The following ADGRD1 variants were observed in gnomAD, a reference collection of about 807,000 sequenced individuals.
ADGRD1 encodes the protein adhesion G protein-coupled receptor D1.
Under a neutral mutation model 113.4 loss-of-function variants are expected in ADGRD1, and 77 were observed. The observed-to-expected ratio is 0.68, with a 90% CI of 0.57 to 0.82. ADGRD1 has a LOEUF of 0.82. Ranked by LOEUF, ADGRD1 falls within the 40% of genes least tolerant of loss-of-function variation. The probability of loss-of-function intolerance (pLI) is 0.00; values close to 1 mark genes in which losing one functional copy is unlikely to be tolerated. For missense variants in ADGRD1, 1,036 were observed against 1,139.1 expected, an observed-to-expected ratio of 0.91 and a Z score of 1.30; for synonymous variants, 474 against 475.0, an observed-to-expected ratio of 1.00 and a Z score of 0.03.
rs773490802 is a variant in ADGRD1 at position 130,972,901 on chromosome 12, A to ACAGTGATG, written c.310+1322_310+1329dup. ...ACAGATAATGAACCCAAGAAAGGAGACAGTGATGGGACCAGCGGGAAATCA... is the reference window on the plus strand; with the variant it reads ...ACAGATAATGAACCCAAGAAAGGAGACAGTGATGCAGTGATGGGACCAGCGGGAAATCA... On this transcript the variant is annotated intron_variant, in intron 4 of 24. Coordinates refer to ENST00000261654, the MANE Select transcript of ADGRD1 (RefSeq NM_198827.5). Among the ~76,000 whole-genome samples, 21 of 152,200 alleles carry ACAGTGATG rather than the reference A, an allele frequency of 1.4e-4. No homozygotes were observed. The South Asian group carries it at 4.4e-3, about 32-fold the overall frequency.
At chr12:130,972,136 G>A (rs910621353) in intron 4 of ADGRD1, among the ~76,000 whole-genome samples, 11 of 152,316 alleles carry the variant, frequency 7.2e-5, no homozygotes, top group African/African-American at 1.9e-4. Flanking sequence ...ACTGGCAATC[G>A]ACTTGCTTTC....
At chr12:131,008,283 G>A (rs565556030) in intron 12 of ADGRD1, among the ~76,000 whole-genome samples, 9 of 152,358 alleles carry the variant, frequency 5.9e-5, no homozygotes, top group African/African-American at 1.4e-4. Flanking sequence ...TGCAGCTGCC[G>A]TGCGGGCAGC....
intron 8 of ADGRD1, among the ~76,000 whole-genome samples, chr12:130,996,820 G>A (rs1875481717): frequency 8.5e-6 from 1 of 117,176 alleles, no homozygotes. Flanking sequence ...CGGGGCGGCT[G>A]GCCGGGCGGG....
At chr12:131,055,014 T>A (rs2137059910) in intron 13 of ADGRD1, among the ~76,000 whole-genome samples, 1 of 152,380 alleles carries the variant, frequency 6.6e-6, no homozygotes, top group East Asian at 1.9e-4. Context: ...TGTTACTTTA[T>A]GTTTCTATCC....
At chr12:131,023,760 G>T (rs1158719611) in intron 13 of ADGRD1, 2 of 152,186 alleles carry the variant, frequency 1.3e-5, no homozygotes, top group Non-Finnish European at 2.9e-5. Flanking sequence ...TGCAGCAAAT[G>T]ACCCTGTGAA....
chr12:131,132,539 C>T (rs988042380), intron 21 of ADGRD1, among the ~76,000 whole-genome samples: 1 of 152,168 alleles, frequency 6.6e-6, no homozygotes, highest in African/African-American at 2.4e-5. Flanking sequence ...CCGGGCCCAG[C>T]TCGCCTTCGC....
At chr12:131,001,533 G>A (rs1876389067) in intron 9 of ADGRD1, among the ~76,000 whole-genome samples, 1 of 152,146 alleles carries the variant, frequency 6.6e-6, no homozygotes, top group Non-Finnish European at 1.5e-5. Flanking sequence ...ATGATACTAA[G>A]TATTCACCTG....
chr12:131,072,586 C>T (rs533540370), intron 13 of ADGRD1, among the ~76,000 whole-genome samples: 14 of 152,292 alleles, frequency 9.2e-5, no homozygotes, highest in Non-Finnish European at 1.3e-4. Context: ...AAAATAAGGA[C>T]GTGCACATGT....
chr12:131,129,070 G>T (rs1226280215), intron 20 of ADGRD1, among the ~76,000 whole-genome samples: 1 of 128,908 alleles, frequency 7.8e-6, no homozygotes, highest in African/African-American at 3.0e-5. Flanking sequence ...CTGCTGTCTG[G>T]GTGTGAGTGA....
chr12:131,068,983 A>G (rs2137123247), intron 13 of ADGRD1, among the ~76,000 whole-genome samples: 1 of 152,314 alleles, frequency 6.6e-6, no homozygotes, highest in South Asian at 2.1e-4. Context: ...CAGCAGCTAT[A>G]TGGATTTTCT....
intron 13 of ADGRD1, among the ~76,000 whole-genome samples, chr12:131,031,593 G>C (rs116722821): frequency 0.016 from 2,394 of 152,196 alleles, 64 homozygotes; most frequent in African/African-American, 0.055. Context: ...TTCAGGCCTG[G>C]TCTTAAACCA....
chr12:130,964,108 G>A (rs1033023429), intron 2 of ADGRD1, among the ~76,000 whole-genome samples: 6 of 151,610 alleles, frequency 4.0e-5, no homozygotes, highest in Non-Finnish European at 8.8e-5. Context: ...CTCAATATTC[G>A]GTTGGTTCTT....
rs964308186 is a variant in ADGRD1, at chr12:131,118,386, T to C, written c.2043T>C (p.Gly681=). The change falls in exon 19 of 25, where the codon GGT becomes GGC. Residue 681 remains glycine (G), a splice_region_variant and synonymous_variant. Coordinates refer to ENST00000261654, the MANE Select transcript of ADGRD1 (RefSeq NM_198827.5). ...KHRYYYGMGW[G]FPLLICIISL... ...ATGATATTCTCCAATCTTCTGCAGG[T>C]TTTCCTCTTCTGATCTGCATCATTT... 2.5e-6 allele frequency: 4 copies of C among 1,605,946 alleles called. No individual in the cohort carries two copies. The Admixed American group carries it at 5.2e-5, about 21-fold the overall frequency.
intron 15 of ADGRD1, among the ~76,000 whole-genome samples, chr12:131,091,599 G>A (rs570762894): frequency 6.6e-6 from 1 of 152,312 alleles, no homozygotes; most frequent in South Asian, 2.1e-4. Context: ...AATCCCCTAT[G>A]CGTGGGTGTG....
At chr12:131,137,986 C>A in intron 23 of ADGRD1, 151 bp from the exon 24 acceptor site, 1 of 661,636 alleles carries the variant, frequency 1.5e-6, no homozygotes, top group South Asian at 1.7e-5. Flanking sequence ...CGATGCACAG[C>A]TCAGCTGTGG....
intron 15 of ADGRD1, among the ~76,000 whole-genome samples, chr12:131,101,238 G>T (rs1316913695): frequency 6.6e-6 from 1 of 152,020 alleles, no homozygotes; most frequent in Non-Finnish European, 1.5e-5. Flanking sequence ...GACCTGTGTG[G>T]GGTGCATCTC....
At chr12:131,103,755 G>A (rs1593220473) in intron 15 of ADGRD1, among the ~76,000 whole-genome samples, 1 of 152,254 alleles carries the variant, frequency 6.6e-6, no homozygotes, top group Non-Finnish European at 1.5e-5. Context: ...GCGTCTCGGA[G>A]GACGGGGGGA....
In ADGRD1 at chr12:131,060,251, T is replaced by C. The variant is rs1884205014; in HGVS notation, c.1474-16550T>C. ...ATGCTCGGGGCATCCGCCACAGCCC[T>C]GATACCCACTCAGCCTTTGCTCATA... On this transcript the variant is annotated intron_variant, in intron 13 of 24. Transcript: ENST00000261654. This position sits in a 1 kb window ranked among gnomAD's most constrained non-coding sequence, Gnocchi z 4.4. Among the ~76,000 whole-genome samples the C allele has an allele frequency of 6.6e-6, 1 of 152,242 alleles. No homozygotes were observed. The highest frequency in any genetic ancestry group is 1.5e-5 in the Non-Finnish European group (1 of 68,030).
At chr12:131,116,691 G>A (rs775807518) in intron 18 of ADGRD1, among the ~76,000 whole-genome samples, 4 of 152,204 alleles carry the variant, frequency 2.6e-5, no homozygotes, top group African/African-American at 7.2e-5. Flanking sequence ...CCAGGGATCC[G>A]AGATGTGCCA....
Sources: allele counts gnomAD v4.1 joint callset (sites outside exome capture counted in the v4.1 genomes callset), GRCh38; gene constraint gnomAD v4.1.1; non-coding constraint Gnocchi (gnomAD v3.1); transcripts MANE v1.5; gene names NCBI Gene and HGNC (gene_info 2026-07-23, HGNC 2026-07-21).